The following DPP10 variants were observed in gnomAD, a reference collection of about 807,000 sequenced individuals.
DPP10 encodes the protein inactive dipeptidyl peptidase 10.
In DPP10, 33 loss-of-function variants were observed where a neutral mutation model predicts 120.9. The ratio of observed to expected loss-of-function variants is 0.27; its 90% CI spans 0.21 to 0.37. DPP10 has a LOEUF of 0.37. DPP10 is among the 10% of genes least tolerant of loss of function. DPP10 has a pLI of 1.00. For missense variants in DPP10, 816 were observed against 942.8 expected (o/e 0.87, Z 1.76); for synonymous variants, 337 against 326.1 (o/e 1.03, Z -0.36).
chr2:114,680,201 C>T (rs1287020117), intron 1 of DPP10, among the ~76,000 whole-genome samples: 1 of 151,932 alleles, frequency 6.6e-6, no homozygotes, highest in Non-Finnish European at 1.5e-5. Context: ...TGCTAATACG[C>T]AGGTATTAAT....
chr2:114,937,788 G>A (rs890694386), intron 1 of DPP10, among the ~76,000 whole-genome samples: 1 of 152,106 alleles, frequency 6.6e-6, no homozygotes, highest in Non-Finnish European at 1.5e-5. Context: ...GGCCTGGCTA[G>A]TACTTGGATG....
intron 5 of DPP10, among the ~76,000 whole-genome samples, chr2:115,603,560 G>GTTTTTTTTTTTTTTTTTTTT (rs10637786): frequency 3.2e-5 from 4 of 126,396 alleles, no homozygotes; most frequent in African/African-American, 3.0e-5. Flanking sequence ...CGTTGTTGTT[G>GTTTTTTTTTTTTTTTTTTTT]TTTTTTTTTG....
chr2:114,474,296 T>C (rs1680191267), intron 1 of DPP10, among the ~76,000 whole-genome samples: 1 of 152,210 alleles, frequency 6.6e-6, no homozygotes, highest in Admixed American at 6.5e-5. Flanking sequence ...TAAAATCCTA[T>C]ACTAATGGTG....
At chr2:115,614,248 G>C (rs925578075) in intron 5 of DPP10, among the ~76,000 whole-genome samples, 5 of 152,148 alleles carry the variant, frequency 3.3e-5, no homozygotes, top group African/African-American at 4.8e-5. Context: ...TGATAATATC[G>C]TAGGTGGGAT....
At chr2:115,132,043 T>A (rs1345153122) in intron 1 of DPP10, 8 of 152,134 alleles carry the variant, frequency 5.3e-5, no homozygotes, top group Admixed American at 2.6e-4. Context: ...TGAGCCAAGA[T>A]TGTGCCACTG....
chr2:115,680,386 G>A (rs1454903685), intron 5 of DPP10, among the ~76,000 whole-genome samples: 1 of 151,822 alleles, frequency 6.6e-6, no homozygotes, highest in Non-Finnish European at 1.5e-5. Flanking sequence ...TCCTTGTAAG[G>A]AAAAGGCAAA....
chr2:115,452,447 C>T (rs749483560), intron 3 of DPP10, among the ~76,000 whole-genome samples: 1 of 151,862 alleles, frequency 6.6e-6, no homozygotes, highest in Non-Finnish European at 1.5e-5. Context: ...GATTGAACCT[C>T]GTTCACTTAG....
chr2:115,333,203 T>G (rs13417638), intron 2 of DPP10, among the ~76,000 whole-genome samples: 37,733 of 151,974 alleles, frequency 0.25, 4,908 homozygotes, highest in East Asian at 0.36. Context: ...CTTTTGATCT[T>G]TGTTGGTTTA....
intron 3 of DPP10, among the ~76,000 whole-genome samples, chr2:115,469,904 A>C (rs1224746970): frequency 6.6e-6 from 1 of 151,758 alleles, no homozygotes; most frequent in Non-Finnish European, 1.5e-5. Flanking sequence ...AAAAAAGAAA[A>C]AAAAAAACTA....
At chr2:114,543,087 C>T (rs1687078955) in intron 1 of DPP10, among the ~76,000 whole-genome samples, 1 of 152,190 alleles carries the variant, frequency 6.6e-6, no homozygotes, top group South Asian at 2.1e-4. Context: ...TTTCCATTTC[C>T]TGACCAATAC....
At chr2:114,721,001 A>G (rs1285717671) in intron 1 of DPP10, among the ~76,000 whole-genome samples, 2 of 152,188 alleles carry the variant, frequency 1.3e-5, no homozygotes, top group Non-Finnish European at 2.9e-5. Context: ...CAGACTTTGC[A>G]TTAACAAGAA....
chr2:114,799,321 C>T (rs1299335561), intron 1 of DPP10, among the ~76,000 whole-genome samples: 2 of 152,136 alleles, frequency 1.3e-5, no homozygotes, highest in East Asian at 3.9e-4. Flanking sequence ...ATGCATGCTG[C>T]TCTTCAAGTC....
chr2:115,434,284 A>G (rs368715388), intron 3 of DPP10, among the ~76,000 whole-genome samples: 1 of 151,986 alleles, frequency 6.6e-6, no homozygotes, highest in South Asian at 2.1e-4. Flanking sequence ...TTCATTACCA[A>G]CCATTTGAAA....
intron 5 of DPP10, among the ~76,000 whole-genome samples, chr2:115,649,726 G>A (rs962537022): frequency 4.6e-5 from 7 of 152,034 alleles, no homozygotes; most frequent in African/African-American, 1.7e-4. Context: ...TAGTCAGAAT[G>A]AAAATGTGCT....
intron 1 of DPP10, among the ~76,000 whole-genome samples, chr2:115,249,814 A>G (rs1218313711): frequency 2.0e-5 from 3 of 152,144 alleles, no homozygotes; most frequent in African/African-American, 7.2e-5. Flanking sequence ...GAGTAAATCT[A>G]TGGGGTCAGG....
intron 1 of DPP10, among the ~76,000 whole-genome samples, chr2:114,656,621 G>A (rs184396615): frequency 6.6e-6 from 1 of 152,254 alleles, no homozygotes; most frequent in East Asian, 1.9e-4. Flanking sequence ...TATGCACAGT[G>A]TTGTGTTTAG....
chr2:114,904,842 C>T (rs1160297199), intron 1 of DPP10, among the ~76,000 whole-genome samples: 1 of 152,084 alleles, frequency 6.6e-6, no homozygotes, highest in African/African-American at 2.4e-5. Context: ...GGGCCACTAC[C>T]TTGGTTGCAA....
At chr2:114,583,821 G>C (rs1690731349) in intron 1 of DPP10, among the ~76,000 whole-genome samples, 2 of 152,142 alleles carry the variant, frequency 1.3e-5, no homozygotes, top group Admixed American at 1.3e-4. Context: ...AAGATGATGA[G>C]ATACGGAGTA....
At chr2:115,180,540 T>C (rs958476809) in intron 1 of DPP10, among the ~76,000 whole-genome samples, 2 of 152,182 alleles carry the variant, frequency 1.3e-5, no homozygotes, top group Non-Finnish European at 2.9e-5. Context: ...TACGGTGATA[T>C]AGGGAAGTTT....
Sources: allele counts gnomAD v4.1 joint callset (sites outside exome capture counted in the v4.1 genomes callset), GRCh38; gene constraint gnomAD v4.1.1; transcripts MANE v1.5; gene names NCBI Gene and HGNC (gene_info 2026-07-23, HGNC 2026-07-21).